Variants in SAE1 observed in about 807,000 individuals in gnomAD.
SAE1 encodes the protein SUMO1 activating enzyme subunit 1, also known as SUMO-activating enzyme subunit 1.
Under a neutral mutation model 40.6 loss-of-function variants are expected in SAE1, and 11 were observed. The observed-to-expected ratio is 0.27, with a 90% CI of 0.17 to 0.45. The LOEUF (loss-of-function observed/expected upper bound fraction) is 0.45, where lower values mean the gene tolerates loss of function less well. Ranked by LOEUF, SAE1 falls within the 20% of genes least tolerant of loss-of-function variation. The probability of loss-of-function intolerance (pLI) is 1.00; values close to 1 mark genes in which losing one functional copy is unlikely to be tolerated. For missense variants in SAE1, 373 were observed against 427.3 expected (o/e 0.87, Z 1.12); for synonymous variants, 155 against 154.3 (o/e 1.00, Z -0.03).
chr19:47,192,337 G>C (rs914472540), intron 6 of SAE1, among the ~76,000 whole-genome samples: 80 of 152,012 alleles, frequency 5.3e-4, no homozygotes, highest in African/African-American at 1.9e-3. Context: ...TGCAACCTCT[G>C]CCTCCTGGGT....
At chr19:47,200,097 AT>A (rs1229021407) in intron 7 of SAE1, among the ~76,000 whole-genome samples, 1 of 149,810 alleles carries the variant, frequency 6.7e-6, no homozygotes, top group African/African-American at 2.5e-5. Context: ...CGCCCAGCTA[AT>A]TTTTTTTGTA....
At chr19:47,139,586 C>CTT (rs71179299) in intron 1 of SAE1, among the ~76,000 whole-genome samples, 14,598 of 122,678 alleles carry the variant, frequency 0.12, 1,164 homozygotes, top group East Asian at 0.31. Context: ...GAATGTGTAT[C>CTT]TTTTTTTTTT....
chr19:47,203,716 G>T lies in SAE1; in HGVS notation c.924G>T (p.Gly308=), dbSNP rs1035983059. The change falls in exon 8 of 9, where the codon GGG becomes GGT. Residue 308 remains glycine (G), a synonymous_variant. Transcript: ENST00000270225. ...CCCCAGTGTGTGCGGTGGTTGGAGG[G>T]ATTTTGGCACAGGAAATTGTGAAGG... ...EMAPVCAVVG[G]ILAQEIVKAL... is the part of the protein sequence containing the mutation. The T allele has an allele frequency of 6.2e-7, 1 of 1,613,864 alleles. No homozygotes were observed. The highest frequency in any genetic ancestry group is 2.2e-5 in the East Asian group (1 of 44,888).
At chr19:47,176,147 C>A (rs768144427) in intron 6 of SAE1, among the ~76,000 whole-genome samples, 1 of 152,162 alleles carries the variant, frequency 6.6e-6, no homozygotes, top group Admixed American at 6.6e-5. Context: ...TGCTTGTGTA[C>A]ACTTGATGGC....
At chr19:47,158,790 A>T (rs907510581) in intron 5 of SAE1, among the ~76,000 whole-genome samples, 1 of 152,166 alleles carries the variant, frequency 6.6e-6, no homozygotes, top group Admixed American at 6.6e-5. Flanking sequence ...AAATTAAGTG[A>T]CCTGACCAAG....
intron 7 of SAE1, among the ~76,000 whole-genome samples, chr19:47,201,656 T>C (rs2058656232): frequency 7.0e-6 from 1 of 143,728 alleles, no homozygotes; most frequent in Non-Finnish European, 1.5e-5. Context: ...ATTATTATTA[T>C]TGGGAGTCTC....
intron 5 of SAE1, among the ~76,000 whole-genome samples, chr19:47,156,452 C>T (rs2058325207): frequency 6.6e-6 from 1 of 151,690 alleles, no homozygotes. Flanking sequence ...GCACTCCAGC[C>T]TGGCGACAGA....
chr19:47,201,787 C>G (rs900115791), intron 7 of SAE1, among the ~76,000 whole-genome samples: 1 of 152,104 alleles, frequency 6.6e-6, no homozygotes, highest in African/African-American at 2.4e-5. Context: ...CTGCCCGCCA[C>G]CACACCCGGC....
At chr19:47,174,003 C>G (rs904556735) in intron 6 of SAE1, among the ~76,000 whole-genome samples, 3 of 152,012 alleles carry the variant, frequency 2.0e-5, no homozygotes, top group African/African-American at 7.2e-5. Context: ...CCAGGATGGT[C>G]TCGAACTCCT....
rs144380898 is a variant in SAE1, at chr19:47,191,780, G to A, written c.734-5453G>A. On this transcript the variant is annotated intron_variant, in intron 6 of 8. Transcript: ENST00000270225. ...AAACATAGCTGTGGGAATAGGCCGG[G>A]CGCGGTGGCTCACACCTGTAATCCC... Among the ~76,000 whole-genome samples the A allele has an allele frequency of 3.9e-3, 600 of 152,230 alleles. 5 individuals are homozygous for A. The highest frequency in any genetic ancestry group is 0.014 in the African/African-American group (566 of 41,524).
At chr19:47,204,345 C>T (rs1301998898) in intron 8 of SAE1, among the ~76,000 whole-genome samples, 2 of 151,548 alleles carry the variant, frequency 1.3e-5, no homozygotes, top group African/African-American at 2.4e-5. Flanking sequence ...CTACAGGCGC[C>T]TGCCACCACG....
At chr19:47,153,917 G>C (rs974157936) in intron 4 of SAE1, among the ~76,000 whole-genome samples, 1 of 151,670 alleles carries the variant, frequency 6.6e-6, no homozygotes, top group Non-Finnish European at 1.5e-5. Context: ...TCAGCCTCCG[G>C]AGTAGCTGAG....
chr19:47,168,974 G>C (rs1431695027), intron 5 of SAE1, among the ~76,000 whole-genome samples: 2 of 152,122 alleles, frequency 1.3e-5, no homozygotes, highest in Non-Finnish European at 2.9e-5. Flanking sequence ...AGCTTTGTAG[G>C]TCCTAGCCAT....
At position 47,210,474 on chromosome 19, in the gene SAE1, A is replaced by G. The variant is rs2058708225; in HGVS notation, c.*1223A>G. ...AGGGAAGTCAAAAGTGATGCTTCAT[A>G]TGCCCCAAGTGCCACAGCCGCTACG... On this transcript the variant is annotated 3_prime_UTR_variant, in exon 9 of 9. Coordinates refer to ENST00000270225, the MANE Select transcript of SAE1 (RefSeq NM_005500.3). The G allele has an allele frequency of 6.6e-6, 1 of 152,212 alleles. No individual in the cohort carries two copies. 9.4% of individuals were successfully genotyped at this position (152,212 alleles called of 1,614,324 possible). A position where few individuals can be genotyped will look rare whatever the true frequency, so the allele number is the denominator to read the frequency against.
intron 6 of SAE1, among the ~76,000 whole-genome samples, chr19:47,185,369 G>C (rs1250086437): frequency 1.3e-5 from 2 of 151,818 alleles, no homozygotes; most frequent in Non-Finnish European, 2.9e-5. Flanking sequence ...GTGCGGTGGT[G>C]TGTCGGCTCA....
intron 6 of SAE1, among the ~76,000 whole-genome samples, chr19:47,186,827 A>C (rs1377819979): frequency 6.6e-6 from 1 of 152,062 alleles, no homozygotes; most frequent in East Asian, 1.9e-4. Context: ...ATTTCAGAGT[A>C]GTCTTCATGG....
At chr19:47,194,408 G>A (rs755776739) in intron 6 of SAE1, among the ~76,000 whole-genome samples, 2 of 152,154 alleles carry the variant, frequency 1.3e-5, no homozygotes, top group African/African-American at 4.8e-5. Context: ...AGGAACCCTT[G>A]TCCTGGTAGA....
chr19:47,154,305 G>T (rs934587832), intron 4 of SAE1, among the ~76,000 whole-genome samples: 3 of 151,176 alleles, frequency 2.0e-5, no homozygotes, highest in African/African-American at 7.3e-5. Flanking sequence ...TGGCTATGCT[G>T]GTCTTGAACT....
At position 47,150,334 on chromosome 19, in the gene SAE1, A is replaced by G. The variant is rs1416977130; in HGVS notation, c.343A>G (p.Ile115Val). ...GGATGTGAAGGTGGACACTGAGGAT[A>G]TAGAGAAGAAACCAGAGTCATTTTT... The part of the protein sequence containing the change: ...MVDVKVDTED[I>V]EKKPESFFTQ... The change falls in exon 3 of 9, where the codon ATA becomes GTA. Residue 115 changes from isoleucine to valine, a missense_variant. Ile to Val is a conservative substitution (Grantham distance 29, BLOSUM62 3). This residue lies in a region of SAE1 where 351 missense variants were observed against 390.6 expected (regional missense o/e 0.90). Transcript: ENST00000270225. 3.7e-6 allele frequency: 6 copies of G among 1,609,700 alleles called. No homozygotes were observed. Among genetic ancestry groups the G allele is most frequent in the Non-Finnish European group, 1.7e-6 (2 of 1,178,678 alleles).
Sources: allele counts gnomAD v4.1 joint callset (sites outside exome capture counted in the v4.1 genomes callset), GRCh38; gene constraint gnomAD v4.1.1; regional missense constraint gnomAD v4.1.1; transcripts MANE v1.5; gene names NCBI Gene and HGNC (gene_info 2026-07-23, HGNC 2026-07-21).